The following FSIP1 variants were observed in gnomAD, a reference collection of about 807,000 sequenced individuals.
FSIP1 encodes fibrous sheath interacting protein 1, also known as fibrous sheath-interacting protein 1.
FSIP1 carries 65 observed loss-of-function variants against 60.9 expected under a neutral mutation model. That is an observed-to-expected ratio of 1.07 (90% confidence interval 0.87 to 1.31). FSIP1 has a LOEUF of 1.31. Ranked by LOEUF, FSIP1 falls within the 40% of genes most tolerant of loss-of-function variation. FSIP1 has a pLI of 0.00. For synonymous variants in FSIP1, 209 were observed against 221.2 expected (o/e 0.94, Z 0.49); for missense variants, 675 against 665.5 (o/e 1.01, Z -0.16).
chr15:39,767,490 C>T (rs1283560911), intron 3 of FSIP1, among the ~76,000 whole-genome samples: 1 of 152,206 alleles, frequency 6.6e-6, no homozygotes, highest in Admixed American at 6.5e-5. Flanking sequence ...AGGGCTCCAC[C>T]CTTGGGCCTG....
At chr15:39,620,471 T>A (rs971531870) in intron 10 of FSIP1, among the ~76,000 whole-genome samples, 12 of 152,110 alleles carry the variant, frequency 7.9e-5, no homozygotes, top group African/African-American at 2.9e-4. Flanking sequence ...GGAGAAAATA[T>A]CAAGGGGTAG....
chr15:39,659,416 CCTGTAGTCCCAGCTA>C (rs1893200981), intron 10 of FSIP1, among the ~76,000 whole-genome samples: 1 of 151,860 alleles, frequency 6.6e-6, no homozygotes, highest in Admixed American at 6.6e-5. Context: ...GTGGCGGGCG[CCTGTAGTCCCAGCTA>C]CTCAGGAGGC....
chr15:39,665,131 G>A (rs1045715339), intron 10 of FSIP1, among the ~76,000 whole-genome samples: 1 of 152,138 alleles, frequency 6.6e-6, no homozygotes, highest in Non-Finnish European at 1.5e-5. Flanking sequence ...TGCATCCAGG[G>A]AAAATTAATT....
chr15:39,611,531 G>T (rs1299554304), intron 11 of FSIP1, among the ~76,000 whole-genome samples: 1 of 152,156 alleles, frequency 6.6e-6, no homozygotes, highest in Admixed American at 6.5e-5. Context: ...AAAAGGAAAA[G>T]ATTCAAAGCA....
chr15:39,762,941 G>A (rs916459008), intron 5 of FSIP1, among the ~76,000 whole-genome samples: 3 of 152,012 alleles, frequency 2.0e-5, no homozygotes, highest in Non-Finnish European at 4.4e-5. Flanking sequence ...AAATTAGTGG[G>A]GGAAAGGTTA....
At chr15:39,730,916 C>A (rs535315175) in intron 8 of FSIP1, among the ~76,000 whole-genome samples, 1 of 152,144 alleles carries the variant, frequency 6.6e-6, no homozygotes, top group Non-Finnish European at 1.5e-5. Context: ...GACATCTGCC[C>A]GGTGTACAAA....
rs1897361672 is a variant in FSIP1 at position 39,758,172 on chromosome 15, G to A, written c.559+5649C>T. Reference sequence around the variant, plus strand: ...AGCATAGATTTAAGTCAAATATACGGGCCAGGAGCTTTAAAAATTAAACAT... The same window carrying A: ...AGCATAGATTTAAGTCAAATATACGAGCCAGGAGCTTTAAAAATTAAACAT... On this transcript the variant is annotated intron_variant, in intron 5 of 11. Coordinates refer to ENST00000350221, the MANE Select transcript of FSIP1 (RefSeq NM_152597.5). Among the ~76,000 whole-genome samples, 3 of 151,926 alleles carry A rather than the reference G, an allele frequency of 2.0e-5. No individual in the cohort carries two copies. In the South Asian group the frequency reaches 6.2e-4, roughly 32 times the overall value.
intron 5 of FSIP1, among the ~76,000 whole-genome samples, chr15:39,748,605 A>G (rs1897071134): frequency 6.6e-6 from 1 of 152,134 alleles, no homozygotes; most frequent in Admixed American, 6.6e-5. Context: ...AATGTCTCCT[A>G]CAATTGAGAA....
At chr15:39,675,491 C>A (rs1379176718) in intron 10 of FSIP1, among the ~76,000 whole-genome samples, 4 of 152,108 alleles carry the variant, frequency 2.6e-5, no homozygotes, top group Admixed American at 1.3e-4. Flanking sequence ...TACATTCTCA[C>A]TATGGAATGT....
At chr15:39,657,286 C>T (rs1367951613) in intron 10 of FSIP1, among the ~76,000 whole-genome samples, 1 of 145,130 alleles carries the variant, frequency 6.9e-6, no homozygotes, top group African/African-American at 2.6e-5. Context: ...TATTTCATAC[C>T]AAGGACTTCA....
Position 39,672,072 on chromosome 15 carries a change from G to A in FSIP1, c.1188+41372C>T, listed in dbSNP as rs142391765. 4.3e-3 allele frequency among the ~76,000 whole-genome samples: 653 copies of A among 152,258 alleles called. 1 individual carries two copies. Among genetic ancestry groups the A allele is most frequent in the Middle Eastern group, 0.017 (5 of 294 alleles). ...GGGGAATAGCATTTGCATAAGCAGC[G>A]GTTATGACTGTGGGTTTTGGAGTCA... is the stretch of plus-strand genomic sequence containing the variant. On this transcript the variant is annotated intron_variant, in intron 10 of 11. Transcript: ENST00000350221.
chr15:39,646,311 A>G (rs988636090), intron 10 of FSIP1, among the ~76,000 whole-genome samples: 2 of 151,756 alleles, frequency 1.3e-5, no homozygotes, highest in African/African-American at 4.8e-5. Context: ...TTGTCTGTGT[A>G]CCTCATTTTT....
At chr15:39,692,095 T>C (rs1032094001) in intron 10 of FSIP1, among the ~76,000 whole-genome samples, 1 of 152,122 alleles carries the variant, frequency 6.6e-6, no homozygotes, top group African/African-American at 2.4e-5. Context: ...GAAAAGATCA[T>C]CTTATTAGGT....
chr15:39,625,124 A>T (rs1367011351), intron 10 of FSIP1, among the ~76,000 whole-genome samples: 1 of 152,176 alleles, frequency 6.6e-6, no homozygotes, highest in Non-Finnish European at 1.5e-5. Flanking sequence ...TTCCCCAAAC[A>T]GCCGGGTGAG....
At chr15:39,635,295 A>G (rs1595556826) in intron 10 of FSIP1, among the ~76,000 whole-genome samples, 2 of 151,894 alleles carry the variant, frequency 1.3e-5, no homozygotes, top group Non-Finnish European at 2.9e-5. Flanking sequence ...AGATCATGCC[A>G]CTGCACTCCA....
At chr15:39,769,814 C>G (rs2140718737) in intron 3 of FSIP1, among the ~76,000 whole-genome samples, 1 of 152,264 alleles carries the variant, frequency 6.6e-6, no homozygotes, top group East Asian at 1.9e-4. Context: ...AAAGCACCAG[C>G]AATTTTGCCC....
chr15:39,767,985 C>T (rs564299693), intron 3 of FSIP1, among the ~76,000 whole-genome samples: 2 of 152,300 alleles, frequency 1.3e-5, no homozygotes, highest in African/African-American at 2.4e-5. Context: ...TAACACAAGC[C>T]GCCAGCAGAC....
chr15:39,734,425 A>C (rs1002033514), intron 8 of FSIP1, among the ~76,000 whole-genome samples: 3 of 152,190 alleles, frequency 2.0e-5, no homozygotes, highest in Admixed American at 6.5e-5. Flanking sequence ...AACATACAAG[A>C]AGCATACTGT....
At chr15:39,757,872 T>G (rs1440985388) in intron 5 of FSIP1, among the ~76,000 whole-genome samples, 1 of 152,166 alleles carries the variant, frequency 6.6e-6, no homozygotes, top group Non-Finnish European at 1.5e-5. Context: ...CCCTTTTCCT[T>G]TTACGTTGAC....
Sources: gnomAD v4.1 joint callset for allele counts (sites outside exome capture counted in the v4.1 genomes callset) on GRCh38, gnomAD v4.1.1 for gene constraint, MANE v1.5 for transcripts, NCBI Gene and HGNC (gene_info 2026-07-23, HGNC 2026-07-21) for gene names.